Variants in TMEM186 observed in about 807,000 individuals in gnomAD.
The protein encoded by TMEM186 is transmembrane protein 186, also known as chromosome 16 open reading frame 51.
A neutral mutation model predicts 2.5 loss-of-function variants in TMEM186; 2 were observed. The observed-to-expected ratio is 0.79, with a 90% CI of 0.32 to 2.50. TMEM186 has a LOEUF of 2.50. TMEM186 is among the 30% of genes most tolerant of loss of function. The probability of loss-of-function intolerance (pLI) is 0.11; values close to 1 mark genes in which losing one functional copy is unlikely to be tolerated. For synonymous variants in TMEM186, 120 were observed against 104.9 expected (o/e 1.14, Z -0.88); for missense variants, 321 against 276.5 (o/e 1.16, Z -1.14).
At position 8,796,219 on chromosome 16, in the gene TMEM186, C is replaced by G. The variant is rs756288399; in HGVS notation, c.375G>C (p.Arg125=). The G allele has an allele frequency of 2.5e-6, 4 of 1,614,178 alleles. No homozygotes were observed. The highest frequency in any genetic ancestry group is 3.4e-6 in the Non-Finnish European group (4 of 1,180,044). ...TMLCWMSYFL[R]RLVGILYLNE... is the part of the protein sequence containing the mutation. ...TCAGATACAGGATACCAACCAGTCT[C>G]CGTAAGAAATAGCTCATCCAGCACA... Residue 125 remains arginine, a synonymous_variant, in exon 2 of 2, where the codon CGG becomes CGC. Coordinates refer to ENST00000333050, the MANE Select transcript of TMEM186 (RefSeq NM_015421.4).
chr16:8,797,234 T>C (rs910320980), intron 1 of TMEM186, among the ~76,000 whole-genome samples: 3 of 152,100 alleles, frequency 2.0e-5, no homozygotes, highest in Admixed American at 6.5e-5. Context: ...AGGTGGGTAG[T>C]GAAGCAGTAA....
intron 1 of TMEM186, among the ~76,000 whole-genome samples, chr16:8,797,195 G>A (rs3760023): frequency 0.17 from 25,456 of 152,060 alleles, 2,239 homozygotes; most frequent in African/African-American, 0.22. Context: ...AGGCAGGGAG[G>A]CCCCAACACG....
chr16:8,796,227 A>C lies in TMEM186; in HGVS notation c.367T>G (p.Phe123Val). Reference protein sequence around the residue: ...ALTMLCWMSYFLRRLVGILYL... With the variant: ...ALTMLCWMSYVLRRLVGILYL... ...AGGATACCAACCAGTCTCCGTAAGA[A>C]ATAGCTCATCCAGCACAGCATGGTC... Residue 123 changes from phenylalanine (F) to valine (V), a missense_variant, in exon 2 of 2, where the codon TTC (phenylalanine) becomes GTC (valine). Transcript: ENST00000333050. The C allele has an allele frequency of 6.2e-7, 1 of 1,614,178 alleles. No individual in the cohort carries two copies. Among genetic ancestry groups the C allele is most frequent in the Non-Finnish European group, 8.5e-7 (1 of 1,180,048 alleles).
chr16:8,796,406 T>C lies in TMEM186; in HGVS notation c.188A>G (p.Asp63Gly), dbSNP rs146859032. ...TEKFWMFYRFDAIRTFGFLSR... is the reference protein window; with the variant it reads ...TEKFWMFYRFGAIRTFGFLSR... ...CAGGAACCCGAAGGTTCTGATGGCA[T>C]CAAAACGGTAAAACATCCAGAATTT... The change falls in exon 2 of 2, where the codon GAT (aspartate) becomes GGT (glycine). Residue 63 changes from aspartate to glycine, a missense_variant. Transcript: ENST00000333050. The C allele has an allele frequency of 6.2e-7, 1 of 1,614,178 alleles. No homozygotes were observed. Among genetic ancestry groups the C allele is most frequent in the African/African-American group, 1.3e-5 (1 of 75,046 alleles).
chr16:8,795,943 C>T lies in TMEM186; in HGVS notation c.*9G>A, dbSNP rs200772557. Reference sequence around the variant, plus strand: ...CCCAGGGTTACCCAGAGGTCCAGGTCCCAGTTGTTCACTTGAGCATCTGAT... The same window carrying T: ...CCCAGGGTTACCCAGAGGTCCAGGTTCCAGTTGTTCACTTGAGCATCTGAT... On this transcript the variant is annotated 3_prime_UTR_variant, in exon 2 of 2. Coordinates refer to ENST00000333050, the MANE Select transcript of TMEM186 (RefSeq NM_015421.4). 2 of 1,605,632 alleles carry T rather than the reference C, an allele frequency of 1.2e-6. No homozygotes were observed. The highest frequency in any genetic ancestry group is 1.7e-4 in the Middle Eastern group (1 of 6,008).
At chr16:8,796,841 G>T (rs1371410021) in intron 1 of TMEM186, among the ~76,000 whole-genome samples, 6 of 152,182 alleles carry the variant, frequency 3.9e-5, no homozygotes, top group African/African-American at 1.4e-4. Context: ...ATTTACCAAA[G>T]ATCACACAGT....
At position 8,795,934 on chromosome 16, in the gene TMEM186, G is replaced by C; in HGVS notation, c.*18C>G. ...TCCAGGCGACCCAGGGTTACCCAGA[G>C]GTCCAGGTCCCAGTTGTTCACTTGA... On this transcript the variant is annotated 3_prime_UTR_variant, in exon 2 of 2. Transcript: ENST00000333050. 1.3e-6 allele frequency: 2 copies of C among 1,598,684 alleles called. No homozygotes were observed. Among genetic ancestry groups the C allele is most frequent in the East Asian group, 4.5e-5 (2 of 44,660 alleles).
chr16:8,796,400 AT>A lies in TMEM186; in HGVS notation c.193del (p.Ile65SerfsTer10). On this transcript the variant is annotated frameshift_variant, in exon 2 of 2. Coordinates refer to ENST00000333050, the MANE Select transcript of TMEM186 (RefSeq NM_015421.4). LOFTEE classifies it low-confidence loss of function (END_TRUNC). ...TCGTGACAGGAACCCGAAGGTTCTG[AT>A]GGCATCAAAACGGTAAAACATCCAG... ...KFWMFYRFDA[I>X]RTFGFLSRLK... 3.1e-6 allele frequency: 5 copies of A among 1,614,234 alleles called. No homozygotes were observed. Among genetic ancestry groups the A allele is most frequent in the Non-Finnish European group, 4.2e-6 (5 of 1,180,056 alleles).
intron 1 of TMEM186, 119 bp from the exon 2 acceptor site, chr16:8,796,709 T>G: frequency 7.8e-7 from 1 of 1,287,236 alleles, no homozygotes; most frequent in South Asian, 1.5e-5. Flanking sequence ...TAACCGTTAT[T>G]GCCAGACGAG....
intron 1 of TMEM186, among the ~76,000 whole-genome samples, chr16:8,796,916 G>T (rs1302166240): frequency 6.6e-6 from 1 of 152,138 alleles, no homozygotes; most frequent in African/African-American, 2.4e-5. Flanking sequence ...AAGGAGGTGC[G>T]GCCGTCATTA....
Position 8,796,596 on chromosome 16 carries a change from A to G in TMEM186, c.4-6T>C, listed in dbSNP as rs199846737. The G allele has an allele frequency of 4.5e-5, 73 of 1,609,968 alleles. 1 individual carries two copies. Among genetic ancestry groups the G allele is most frequent in the Middle Eastern group, 3.3e-4 (2 of 6,062 alleles). On this transcript the variant is annotated splice_region_variant and splice_polypyrimidine_tract_variant and intron_variant, in intron 1 of 1. Coordinates refer to ENST00000333050, the MANE Select transcript of TMEM186 (RefSeq NM_015421.4). ...ACAGCTCGGAGAAGGGCAGCCTGAA[A>G]GGGAGACAGTAGACCATTTCTCTCA...
Position 8,796,477 on chromosome 16 carries a change from GCTGCCCACCCACCTCTTAGGATCCTC to G in TMEM186, c.91_116del (p.Glu31GlnfsTer15). 6.2e-7 allele frequency: 1 copy of G among 1,614,198 alleles called. No individual in the cohort carries two copies. Among genetic ancestry groups the G allele is most frequent in the Non-Finnish European group, 8.5e-7 (1 of 1,180,040 alleles). On this transcript the variant is annotated frameshift_variant, in exon 2 of 2. Transcript: ENST00000333050. LOFTEE classifies it low-confidence loss of function (END_TRUNC). ...GTTTCTCCTTCGAGATGGGTGAACT[GCTGCCCACCCACCTCTTAGGATCCTC>G]CTGCCCACTGCAGCACCACAGCCCA...
intron 1 of TMEM186, among the ~76,000 whole-genome samples, chr16:8,796,981 G>T (rs2060580857): frequency 6.6e-6 from 1 of 152,204 alleles, no homozygotes; most frequent in South Asian, 2.1e-4. Flanking sequence ...TATCCACAAG[G>T]GGGTGTGAAC....
In TMEM186 at chr16:8,796,610, C is replaced by G; in HGVS notation, c.4-20G>C. 1 of 1,603,274 alleles carries G rather than the reference C, an allele frequency of 6.2e-7. No individual in the cohort carries two copies. Among genetic ancestry groups the G allele is most frequent in the Non-Finnish European group, 8.5e-7 (1 of 1,175,602 alleles). On this transcript the variant is annotated intron_variant, in intron 1 of 1. Transcript: ENST00000333050. ...GGCAGCCTGAAAGGGAGACAGTAGA[C>G]CATTTCTCTCATGGAACTCAACCAC...
chr16:8,796,182 T>G lies in TMEM186; in HGVS notation c.412A>C (p.Thr138Pro). 6.2e-7 allele frequency: 1 copy of G among 1,614,146 alleles called. No individual in the cohort carries two copies. Among genetic ancestry groups the G allele is most frequent in the Middle Eastern group, 1.6e-4 (1 of 6,062 alleles). ...TTCAGATGGGCCACCCGCAGCATGG[T>G]GCCAGACTCATTCAGATACAGGATA... is the stretch of plus-strand genomic sequence containing the variant. ...VGILYLNESG[T>P]MLRVAHLNFW... The change falls in exon 2 of 2, where the codon ACC (threonine) becomes CCC (proline). Residue 138 changes from threonine (T) to proline (P), a missense_variant. Transcript: ENST00000333050.
At position 8,795,745 on chromosome 16, in the gene TMEM186, T is replaced by A; in HGVS notation, c.*207A>T. The A allele has an allele frequency of 1.7e-6, 1 of 588,996 alleles. No individual in the cohort carries two copies. Among genetic ancestry groups the A allele is most frequent in the Non-Finnish European group, 3.0e-6 (1 of 338,028 alleles). The allele number at this position is 588,996 out of a possible 1,614,324, so 36.5% of individuals were successfully genotyped here. A position where few individuals can be genotyped will look rare whatever the true frequency, so the allele number is the denominator to read the frequency against. On this transcript the variant is annotated 3_prime_UTR_variant, in exon 2 of 2. Transcript: ENST00000333050. ...TATCTGACTGAATGTCACAAACAAG[T>A]GCTGTAAGAACTTGCTTAGAGCCTT... is the stretch of plus-strand genomic sequence containing the variant.
intron 1 of TMEM186, 135 bp downstream of exon 1, chr16:8,797,477 A>G: frequency 8.4e-7 from 1 of 1,188,536 alleles, no homozygotes; most frequent in Non-Finnish European, 1.2e-6. Context: ...GGGAAAAGCG[A>G]ACTGTAACAC....
rs3760024 is a variant in TMEM186, at chr16:8,795,610, C to T, written c.*342G>A. 33,741 of 212,040 alleles carry T rather than the reference C, an allele frequency of 0.16. 2,900 individuals carry two copies. Among genetic ancestry groups the T allele is most frequent in the African/African-American group, 0.22 (9,721 of 43,754 alleles). 13.1% of individuals were successfully genotyped at this position (212,040 alleles called of 1,614,324 possible). A position where few individuals can be genotyped will look rare whatever the true frequency, so the allele number is the denominator to read the frequency against. On this transcript the variant is annotated 3_prime_UTR_variant, in exon 2 of 2. Coordinates refer to ENST00000333050, the MANE Select transcript of TMEM186 (RefSeq NM_015421.4). The stretch of plus-strand genomic sequence containing the variant: ...CTGAGACTTCTGACTCCAAATCTTA[C>T]GCTCCCCCGCCACACCTCTTTGCCT...
At position 8,797,427 on chromosome 16, in the gene TMEM186, T is replaced by C. The variant is rs777196669; in HGVS notation, c.3+185A>G. Among the ~76,000 whole-genome samples, 6 of 142,558 alleles carry C rather than the reference T, an allele frequency of 4.2e-5. No individual in the cohort carries two copies. The highest frequency in any genetic ancestry group is 4.6e-5 in the Non-Finnish European group (3 of 65,510). The allele number at this position is 142,558 out of a possible 152,430, so 93.5% of individuals were successfully genotyped here. On this transcript the variant is annotated intron_variant, in intron 1 of 1. Coordinates refer to ENST00000333050, the MANE Select transcript of TMEM186 (RefSeq NM_015421.4). ...GAGCTCGGCGAGTTTTAGCTACTACTACTGTGCGCATGTGACCCAAGGAGG... is the reference window on the plus strand; with the variant it reads ...GAGCTCGGCGAGTTTTAGCTACTACCACTGTGCGCATGTGACCCAAGGAGG...
Sources: allele counts gnomAD v4.1 joint callset (sites outside exome capture counted in the v4.1 genomes callset), GRCh38; gene constraint gnomAD v4.1.1; transcripts MANE v1.5; gene names NCBI Gene and HGNC (gene_info 2026-07-23, HGNC 2026-07-21).